Variants in TMED1 observed in about 807,000 individuals in gnomAD.
TMED1 encodes the protein transmembrane p24 trafficking protein 1.
In TMED1, 20 loss-of-function variants were observed where a neutral mutation model predicts 21.2. The ratio of observed to expected loss-of-function variants is 0.95; its 90% CI spans 0.67 to 1.37. TMED1 has a LOEUF of 1.37. Ranked by LOEUF, TMED1 falls within the 40% of genes most tolerant of loss-of-function variation. The pLI is 0.00. For synonymous variants in TMED1, 149 were observed against 134.7 expected, an observed-to-expected ratio of 1.11 and a Z score of -0.74; for missense variants, 316 against 309.8, an observed-to-expected ratio of 1.02 and a Z score of -0.15.
Position 10,832,980 on chromosome 19 carries a change from C to A in TMED1, c.*15G>T, listed in dbSNP as rs1460502620. 1.2e-6 allele frequency: 2 copies of A among 1,609,420 alleles called. No homozygotes were observed. Among genetic ancestry groups the A allele is most frequent in the Non-Finnish European group, 8.5e-7 (1 of 1,179,372 alleles). On this transcript the variant is annotated 3_prime_UTR_variant, in exon 4 of 4. Transcript: ENST00000214869. ...CTGCCCCTCCTTTGTCCCGTTCTTC[C>A]TTCCATGGCAGGGGCTACGTGGGCA...
Position 10,832,209 on chromosome 19 carries a change from A to G in TMED1, c.*786T>C. ...AGCGCTCCACCCCCTTCCTACCCTCAGGCCCTGCTTCTCTCACCTCGTGGG... is the reference window on the plus strand; with the variant it reads ...AGCGCTCCACCCCCTTCCTACCCTCGGGCCCTGCTTCTCTCACCTCGTGGG... On this transcript the variant is annotated 3_prime_UTR_variant, in exon 4 of 4. Transcript: ENST00000214869. The G allele has an allele frequency of 9.0e-7, 1 of 1,113,524 alleles. No individual in the cohort carries two copies. Among genetic ancestry groups the G allele is most frequent in the Non-Finnish European group, 1.2e-6 (1 of 828,820 alleles). 69.0% of individuals were successfully genotyped at this position (1,113,524 alleles called of 1,614,324 possible).
chr19:10,834,625 G>A (rs2073402405), intron 3 of TMED1, among the ~76,000 whole-genome samples: 1 of 151,874 alleles, frequency 6.6e-6, no homozygotes, highest in South Asian at 2.1e-4. Flanking sequence ...GATTACAGAC[G>A]CCCGCCACCA....
intron 3 of TMED1, chr19:10,834,730 C>G (rs2073404026): frequency 1.9e-6 from 1 of 530,118 alleles, no homozygotes; most frequent in Non-Finnish European, 3.3e-6. Flanking sequence ...ATCCACCCGC[C>G]TCAGCCTCCC....
rs927038793 is a variant in TMED1, at chr19:10,835,581, A to G, written c.184-228T>C. On this transcript the variant is annotated intron_variant, in intron 1 of 3. Coordinates refer to ENST00000214869, the MANE Select transcript of TMED1 (RefSeq NM_006858.4). ...CTTTCAGCTGACCACGCACCTACCA[A>G]AAGTACTTAATGGACGTTTACCTGA... is the stretch of plus-strand genomic sequence containing the variant. 15 of 1,419,936 alleles carry G rather than the reference A, an allele frequency of 1.1e-5. No individual in the cohort carries two copies. In the Admixed American group the frequency reaches 1.1e-4, roughly 11 times the overall value. The allele number at this position is 1,419,936 out of a possible 1,614,324, so 88.0% of individuals were successfully genotyped here. A position where few individuals can be genotyped will look rare whatever the true frequency, so the allele number is the denominator to read the frequency against.
chr19:10,832,425 C>T lies in TMED1; in HGVS notation c.*570G>A. The stretch of plus-strand genomic sequence containing the variant: ...CTGGCTGGTGTCCCTGAGCCCCAAT[C>T]AGCAGGCTCTTGTGATTTTCTGACC... On this transcript the variant is annotated 3_prime_UTR_variant, in exon 4 of 4. Transcript: ENST00000214869. 2 of 1,153,978 alleles carry T rather than the reference C, an allele frequency of 1.7e-6. No homozygotes were observed. The highest frequency in any genetic ancestry group is 2.3e-6 in the Non-Finnish European group (2 of 868,872). 71.5% of individuals were successfully genotyped at this position (1,153,978 alleles called of 1,614,324 possible).
chr19:10,833,073 C>G lies in TMED1; in HGVS notation c.606G>C (p.Ala202=). 6.2e-7 allele frequency: 1 copy of G among 1,614,052 alleles called. No homozygotes were observed. The highest frequency in any genetic ancestry group is 8.5e-7 in the Non-Finnish European group (1 of 1,180,052). ...RVNFWSAVNV[A]VLLLVAVLQV... is the part of the protein sequence containing the mutation. Reference sequence around the variant, plus strand: ...GCAGCACAGCCACCAGCAGCAGCACCGCCACGTTGACAGCTGACCAGAAGT... The same window carrying G: ...GCAGCACAGCCACCAGCAGCAGCACGGCCACGTTGACAGCTGACCAGAAGT... Residue 202 remains alanine (A), a synonymous_variant, in exon 4 of 4, where the codon GCG becomes GCC. Coordinates refer to ENST00000214869, the MANE Select transcript of TMED1 (RefSeq NM_006858.4).
In TMED1 at chr19:10,835,355, T is replaced by C; in HGVS notation, c.184-2A>G. ...GTCCAGTCCAGCACCTCCGATCACC[T>C]GGGGGGCAGGTAAGAGCGGGTGGAG... On this transcript the variant is annotated splice_acceptor_variant, in intron 1 of 3. Coordinates refer to ENST00000214869, the MANE Select transcript of TMED1 (RefSeq NM_006858.4). LOFTEE classifies it high-confidence loss of function. 2 of 1,613,264 alleles carry C rather than the reference T, an allele frequency of 1.2e-6. No homozygotes were observed. Among genetic ancestry groups the C allele is most frequent in the Non-Finnish European group, 1.7e-6 (2 of 1,179,836 alleles).
At chr19:10,835,388 G>A (rs2073415803) in intron 1 of TMED1, 35 bp from the exon 2 acceptor site, 1 of 1,611,276 alleles carries the variant, frequency 6.2e-7, no homozygotes, top group African/African-American at 1.3e-5. Flanking sequence ...GAGGGCTAGC[G>A]GTAGGCCAAG....
intron 2 of TMED1, 40 bp downstream of exon 2, chr19:10,835,216 G>A (rs1179831793): frequency 9.9e-6 from 16 of 1,613,466 alleles, no homozygotes; most frequent in Non-Finnish European, 1.3e-5. Context: ...GAAGGGCAGG[G>A]CTGTAACTGA....
Position 10,832,777 on chromosome 19 carries a change from T to C in TMED1, c.*218A>G, listed in dbSNP as rs1599646278. 1.6e-6 allele frequency: 1 copy of C among 611,726 alleles called. No homozygotes were observed. The highest frequency in any genetic ancestry group is 2.9e-6 in the Non-Finnish European group (1 of 347,522). 37.9% of individuals were successfully genotyped at this position (611,726 alleles called of 1,614,324 possible). A position where few individuals can be genotyped will look rare whatever the true frequency, so the allele number is the denominator to read the frequency against. ...GCTGCAGTGCCCACCATGTGAGATT[T>C]CCAGGACCGTCGGTGCAGCCACTGA... On this transcript the variant is annotated 3_prime_UTR_variant, in exon 4 of 4. Transcript: ENST00000214869.
At chr19:10,835,954 T>TTGGCCACGCCCCCTCTCCC in intron 1 of TMED1, 55 bp downstream of exon 1, 1 of 1,506,498 alleles carries the variant, frequency 6.6e-7, no homozygotes, top group Non-Finnish European at 8.9e-7. Context: ...CCTCGACCGC[T>TTGGCCACGCCCCCTCTCCC]TGGCCACGCC....
chr19:10,832,849 G>A lies in TMED1; in HGVS notation c.*146C>T. On this transcript the variant is annotated 3_prime_UTR_variant, in exon 4 of 4. Coordinates refer to ENST00000214869, the MANE Select transcript of TMED1 (RefSeq NM_006858.4). ...AGGTGTTCCCTGCCCGCTGAGGACG[G>A]AAGGAGACTCATGGGGCCAGACCGC... 2.3e-6 allele frequency: 2 copies of A among 874,408 alleles called. No individual in the cohort carries two copies. Among genetic ancestry groups the A allele is most frequent in the East Asian group, 5.3e-5 (2 of 37,574 alleles). 54.2% of individuals were successfully genotyped at this position (874,408 alleles called of 1,614,324 possible). A position where few individuals can be genotyped will look rare whatever the true frequency, so the allele number is the denominator to read the frequency against.
Position 10,832,554 on chromosome 19 carries a change from C to A in TMED1, c.*441G>T, listed in dbSNP as rs1429980151. On this transcript the variant is annotated 3_prime_UTR_variant, in exon 4 of 4. Coordinates refer to ENST00000214869, the MANE Select transcript of TMED1 (RefSeq NM_006858.4). ...CCCTCATGCCTGTGTGGGGCCCCTG[C>A]AGGAGAGGGGCCGGGGCAGGTGGTC... The A allele has an allele frequency of 4.3e-6, 2 of 462,502 alleles. No individual in the cohort carries two copies. Among genetic ancestry groups the A allele is most frequent in the Non-Finnish European group, 7.7e-6 (2 of 258,890 alleles). 28.6% of individuals were successfully genotyped at this position (462,502 alleles called of 1,614,324 possible). A position where few individuals can be genotyped will look rare whatever the true frequency, so the allele number is the denominator to read the frequency against.
intron 1 of TMED1, chr19:10,835,555 A>G: frequency 6.9e-7 from 1 of 1,439,666 alleles, no homozygotes; most frequent in Middle Eastern, 2.6e-4. Context: ...TGGGGTCCAT[A>G]CTTTCAGCTG....
intron 3 of TMED1, among the ~76,000 whole-genome samples, chr19:10,834,505 G>T (rs1441353915): frequency 6.8e-6 from 1 of 147,776 alleles, no homozygotes; most frequent in South Asian, 2.1e-4. Context: ...TATTGCCCAG[G>T]CTGGAGTGCA....
In TMED1 at chr19:10,835,572, C is replaced by T. The variant is rs930971766; in HGVS notation, c.184-219G>A. Reference sequence around the variant, plus strand: ...GGGTCCATACTTTCAGCTGACCACGCACCTACCAAAAGTACTTAATGGACG... The same window carrying T: ...GGGTCCATACTTTCAGCTGACCACGTACCTACCAAAAGTACTTAATGGACG... On this transcript the variant is annotated intron_variant, in intron 1 of 3. Coordinates refer to ENST00000214869, the MANE Select transcript of TMED1 (RefSeq NM_006858.4). 5 of 1,433,240 alleles carry T rather than the reference C, an allele frequency of 3.5e-6. No homozygotes were observed. In the African/African-American group the frequency reaches 7.2e-5, roughly 21 times the overall value. 88.8% of individuals were successfully genotyped at this position (1,433,240 alleles called of 1,614,324 possible). A position where few individuals can be genotyped will look rare whatever the true frequency, so the allele number is the denominator to read the frequency against.
In TMED1 at chr19:10,836,134, C is replaced by T; in HGVS notation, c.58G>A (p.Glu20Lys). ...LALWLLMPPV[E>K]VGGAGPPPIQ... ...GGCGGGGGCCCCGCCCCTCCCACCTCCACTGGTGGCATTAGTAGCCACAAG... is the reference window on the plus strand; with the variant it reads ...GGCGGGGGCCCCGCCCCTCCCACCTTCACTGGTGGCATTAGTAGCCACAAG... The change falls in exon 1 of 4, where the codon GAG (glutamate) becomes AAG (lysine). Residue 20 changes from glutamate to lysine, a missense_variant. Coordinates refer to ENST00000214869, the MANE Select transcript of TMED1 (RefSeq NM_006858.4). 6.4e-7 allele frequency: 1 copy of T among 1,566,868 alleles called. No individual in the cohort carries two copies. The highest frequency in any genetic ancestry group is 8.6e-7 in the Non-Finnish European group (1 of 1,157,060).
At chr19:10,835,162 C>G (rs2073411869) in intron 2 of TMED1, 45 bp from the exon 3 acceptor site, 58 of 1,609,720 alleles carry the variant, frequency 3.6e-5, no homozygotes, top group Non-Finnish European at 4.8e-5. Flanking sequence ...GGCCAGCCAG[C>G]CGACTCAGCG....
At position 10,835,016 on chromosome 19, in the gene TMED1, A is replaced by G. The variant is rs2073409347; in HGVS notation, c.383T>C (p.Leu128Pro). 6.2e-7 allele frequency: 1 copy of G among 1,614,162 alleles called. No homozygotes were observed. The highest frequency in any genetic ancestry group is 8.5e-7 in the Non-Finnish European group (1 of 1,180,026). The change falls in exon 3 of 4, where the codon CTC (leucine) becomes CCC (proline). Residue 128 changes from leucine to proline, a missense_variant. Coordinates refer to ENST00000214869, the MANE Select transcript of TMED1 (RefSeq NM_006858.4). The stretch of plus-strand genomic sequence containing the variant: ...TCCTTCGACCTCCTCGTCATCCTGG[A>G]GGCTGTCAAAGATCAGTTCAAAGAA... ...LVFFELIFDS[L>P]QDDEEVEGWA...
Sources: allele counts gnomAD v4.1 joint callset (sites outside exome capture counted in the v4.1 genomes callset), GRCh38; gene constraint gnomAD v4.1.1; transcripts MANE v1.5; gene names NCBI Gene and HGNC (gene_info 2026-07-23, HGNC 2026-07-21).